Variants in DOCK3 observed in about 807,000 individuals in gnomAD.
The protein encoded by DOCK3 is dedicator of cytokinesis protein 3.
In DOCK3, 60 loss-of-function variants were observed where a neutral mutation model predicts 265.6. The ratio of observed to expected loss-of-function variants is 0.23; its 90% CI spans 0.18 to 0.28. The LOEUF is 0.28. Ranked by LOEUF, DOCK3 falls within the 10% of genes least tolerant of loss-of-function variation. The pLI, the probability that DOCK3 is intolerant of heterozygous loss-of-function variation, is 1.00. For missense variants in DOCK3, 1,981 were observed against 2,594.3 expected (o/e 0.76, Z 5.14); for synonymous variants, 881 against 938.0 (o/e 0.94, Z 1.11).
chr3:51,225,503 A>G, intron 14 of DOCK3, 146 bp from the exon 15 acceptor site: 1 of 1,282,130 alleles, frequency 7.8e-7, no homozygotes, highest in East Asian at 2.5e-5. Context: ...TGATACTGGT[A>G]GAATGTCCAT....
chr3:50,719,297 T>A (rs1044762332), intron 1 of DOCK3, among the ~76,000 whole-genome samples: 1 of 149,966 alleles, frequency 6.7e-6, no homozygotes, highest in Non-Finnish European at 1.5e-5. Flanking sequence ...TTTTATTTCA[T>A]ACTCATAAAC....
At chr3:51,151,272 CA>C (rs1252591267) in intron 10 of DOCK3, among the ~76,000 whole-genome samples, 1 of 152,098 alleles carries the variant, frequency 6.6e-6, no homozygotes, top group African/African-American at 2.4e-5. Flanking sequence ...TCCAGTTTGC[CA>C]GTCTGTGTCT....
At position 51,312,885 on chromosome 3, in the gene DOCK3, G is replaced by T; in HGVS notation, c.3236G>T (p.Ser1079Ile). Residue 1079 changes from serine (S) to isoleucine (I), a missense_variant, in exon 31 of 53, where the codon AGC (serine) becomes ATC (isoleucine). Physicochemically the swap from Ser to Ile is moderately radical, Grantham distance 142. Coordinates refer to ENST00000266037, the MANE Select transcript of DOCK3 (RefSeq NM_004947.5). ...MRVMMAYELF[S>I]MWQNLGEHKI... The stretch of plus-strand genomic sequence containing the variant: ...GTAATGATGGCCTATGAACTGTTCA[G>T]CATGTGGCAGAATTTGGGTAGGTTT... The T allele has an allele frequency of 6.2e-7, 1 of 1,609,302 alleles. No individual in the cohort carries two copies.
Position 51,274,044 on chromosome 3 carries a change from A to T in DOCK3, c.2549-1035A>T, listed in dbSNP as rs570146578. Among the ~76,000 whole-genome samples, 4 of 152,364 alleles carry T rather than the reference A, an allele frequency of 2.6e-5. No individual in the cohort carries two copies. In the East Asian group the frequency reaches 7.7e-4, roughly 29 times the overall value. ...CTTGCCTGAGGTCTCAGAACGGGTT[A>T]ATAAGGGAGCTTGAAGTAGGACAGC... On this transcript the variant is annotated intron_variant, in intron 24 of 52. Transcript: ENST00000266037.
chr3:50,873,458 T>C (rs2047534246), intron 3 of DOCK3, among the ~76,000 whole-genome samples: 1 of 152,108 alleles, frequency 6.6e-6, no homozygotes, highest in Non-Finnish European at 1.5e-5. Context: ...TCTCCTCTCC[T>C]CACACAGAAG....
At chr3:50,869,627 C>T (rs991612043) in intron 3 of DOCK3, among the ~76,000 whole-genome samples, 2 of 151,842 alleles carry the variant, frequency 1.3e-5, no homozygotes, top group East Asian at 3.9e-4. Flanking sequence ...CTGTTTTGGC[C>T]TCCGAAAGTG....
intron 5 of DOCK3, among the ~76,000 whole-genome samples, chr3:51,043,256 G>A (rs920574280): frequency 5.9e-5 from 9 of 152,146 alleles, no homozygotes; most frequent in African/African-American, 9.7e-5. Context: ...CAATGGAACA[G>A]AACAGAGAAC....
chr3:51,174,630 C>A (rs1378596934), intron 12 of DOCK3, among the ~76,000 whole-genome samples: 1 of 152,110 alleles, frequency 6.6e-6, no homozygotes, highest in Non-Finnish European at 1.5e-5. Flanking sequence ...ATCTCCACTT[C>A]TTTAGGGTCA....
chr3:50,918,943 T>G (rs889918065), intron 4 of DOCK3, among the ~76,000 whole-genome samples: 1 of 152,184 alleles, frequency 6.6e-6, no homozygotes, highest in Admixed American at 6.5e-5. Context: ...TCGTATAAAG[T>G]GTAAGGAAGG....
chr3:50,792,976 A>G (rs2042570912), intron 2 of DOCK3, among the ~76,000 whole-genome samples: 1 of 152,222 alleles, frequency 6.6e-6, no homozygotes, highest in South Asian at 2.1e-4. Context: ...TTGTTTCAGT[A>G]AGAATGGTAC....
chr3:50,682,894 G>A (rs1213479931), intron 1 of DOCK3, among the ~76,000 whole-genome samples: 2 of 152,240 alleles, frequency 1.3e-5, no homozygotes, highest in Admixed American at 1.3e-4. Flanking sequence ...AGCTGAGATC[G>A]CGCCATTGCG....
intron 5 of DOCK3, among the ~76,000 whole-genome samples, chr3:50,966,483 G>T (rs1209939479): frequency 4.5e-4 from 53 of 116,774 alleles, no homozygotes; most frequent in Admixed American, 1.1e-3. Context: ...GTTATCTCTT[G>T]TTTTTTTTTT....
intron 2 of DOCK3, among the ~76,000 whole-genome samples, chr3:50,824,400 G>T (rs1191434781): frequency 6.6e-6 from 1 of 152,166 alleles, no homozygotes; most frequent in Non-Finnish European, 1.5e-5. Context: ...GCCTACTCCT[G>T]GGTCTTGAAG....
intron 2 of DOCK3, among the ~76,000 whole-genome samples, chr3:50,788,569 T>C (rs1016107081): frequency 1.9e-4 from 29 of 152,236 alleles, no homozygotes; most frequent in Admixed American, 5.2e-4. Context: ...CCTAGATCAA[T>C]GCCTTGGCAG....
intron 10 of DOCK3, among the ~76,000 whole-genome samples, chr3:51,150,813 G>C (rs543808414): frequency 6.6e-6 from 1 of 152,310 alleles, no homozygotes; most frequent in East Asian, 1.9e-4. Flanking sequence ...TGTATATTCT[G>C]TTGATTTGGG....
intron 5 of DOCK3, among the ~76,000 whole-genome samples, chr3:51,059,320 C>A (rs1403587092): frequency 6.6e-6 from 1 of 152,036 alleles, no homozygotes; most frequent in South Asian, 2.1e-4. Context: ...AATACCATTG[C>A]CTTGAGGGTT....
chr3:50,815,705 C>T (rs2044034676), intron 2 of DOCK3, among the ~76,000 whole-genome samples: 1 of 151,886 alleles, frequency 6.6e-6, no homozygotes, highest in South Asian at 2.1e-4. Context: ...GGTATAGAAT[C>T]CTAGGCTGGG....
At chr3:51,335,340 C>G (rs190598660) in intron 35 of DOCK3, among the ~76,000 whole-genome samples, 23 of 152,226 alleles carry the variant, frequency 1.5e-4, no homozygotes, top group Admixed American at 1.4e-3. Context: ...ATCTCTGTGT[C>G]CATGTTGTCA....
intron 7 of DOCK3, among the ~76,000 whole-genome samples, chr3:51,085,832 CA>C (rs1441495712): frequency 6.6e-6 from 1 of 151,774 alleles, no homozygotes; most frequent in Non-Finnish European, 1.5e-5. Flanking sequence ...CAGAACTAAA[CA>C]AAATAGAGCT....
Sources: gnomAD v4.1 joint callset for allele counts (sites outside exome capture counted in the v4.1 genomes callset) on GRCh38, gnomAD v4.1.1 for gene constraint, MANE v1.5 for transcripts, NCBI Gene and HGNC (gene_info 2026-07-23, HGNC 2026-07-21) for gene names.